Variants in STAT1 observed in about 807,000 individuals in gnomAD.
STAT1 encodes signal transducer and activator of transcription 1-alpha/beta.
STAT1 carries 24 observed loss-of-function variants against 111.7 expected under a neutral mutation model. That is an observed-to-expected ratio of 0.21 (90% confidence interval 0.16 to 0.30). STAT1 has a LOEUF of 0.30. STAT1 is among the 10% of genes least tolerant of loss of function. The probability of loss-of-function intolerance (pLI) is 1.00; values close to 1 mark genes in which losing one functional copy is unlikely to be tolerated. For synonymous variants in STAT1, 332 were observed against 326.5 expected, an observed-to-expected ratio of 1.02 and a Z score of -0.18; for missense variants, 351 against 911.9, an observed-to-expected ratio of 0.38 and a Z score of 7.92.
rs1456054301 is a variant in STAT1 at position 190,991,340 on chromosome 2, G to T, written c.945-20C>A. The stretch of plus-strand genomic sequence containing the variant: ...AACGAGCTGCAAATACCCAGCAAAG[G>T]ATAGATAAGTTAGCATTTCCATTAA... On this transcript the variant is annotated intron_variant, in intron 10 of 24. Transcript: ENST00000361099. 1.9e-6 allele frequency: 3 copies of T among 1,612,164 alleles called. No homozygotes were observed. Among genetic ancestry groups the T allele is most frequent in the Admixed American group, 1.7e-5 (1 of 59,982 alleles).
Position 190,970,003 on chromosome 2 carries a change from T to C in STAT1, c.*700A>G, listed in dbSNP as rs1239449774. 1.3e-5 allele frequency: 2 copies of C among 153,142 alleles called. No homozygotes were observed. Among genetic ancestry groups the C allele is most frequent in the Non-Finnish European group, 1.5e-5 (1 of 68,696 alleles). 9.5% of individuals were successfully genotyped at this position (153,142 alleles called of 1,614,324 possible). ...CAACTTGTGAATTTGGAAATGTACA[T>C]CCTTCTATTGATATTAGCTAGTGTC... On this transcript the variant is annotated 3_prime_UTR_variant, in exon 25 of 25. Coordinates refer to ENST00000361099, the MANE Select transcript of STAT1 (RefSeq NM_007315.4). This position sits in a 1 kb window ranked among gnomAD's most constrained non-coding sequence, Gnocchi z 5.4.
Position 190,974,806 on chromosome 2 carries a change from A to G in STAT1, c.2238+24T>C. The G allele has an allele frequency of 1.3e-6, 2 of 1,597,600 alleles. No homozygotes were observed. The highest frequency in any genetic ancestry group is 1.7e-6 in the Non-Finnish European group (2 of 1,165,086). On this transcript the variant is annotated intron_variant, in intron 24 of 24. Coordinates refer to ENST00000361099, the MANE Select transcript of STAT1 (RefSeq NM_007315.4). The surrounding 1 kb of genome is among the most constrained non-coding windows in gnomAD (Gnocchi z 4.8). ...AGCACACACACTTATTGAGAGCTAC[A>G]CACAGGCCAGCCGTGGTACTCACCA...
At position 190,986,819 on chromosome 2, in the gene STAT1, C is replaced by A. The variant is rs764149234; in HGVS notation, c.1221+35G>T. ...TCTATTGTCAAAAGTCCTAAGAAACCAGAGACAACATAGAGAGGAAACTGA... is the reference window on the plus strand; with the variant it reads ...TCTATTGTCAAAAGTCCTAAGAAACAAGAGACAACATAGAGAGGAAACTGA... On this transcript the variant is annotated intron_variant, in intron 14 of 24. Coordinates refer to ENST00000361099, the MANE Select transcript of STAT1 (RefSeq NM_007315.4). This position sits in a 1 kb window ranked among gnomAD's most constrained non-coding sequence, Gnocchi z 5.0. 6.3e-7 allele frequency: 1 copy of A among 1,595,154 alleles called. No homozygotes were observed. Among genetic ancestry groups the A allele is most frequent in the Non-Finnish European group, 8.6e-7 (1 of 1,162,766 alleles).
At position 190,998,295 on chromosome 2, in the gene STAT1, A is replaced by G. The variant is rs1223156169; in HGVS notation, c.555T>C (p.Asn185=). 1 of 1,613,448 alleles carries G rather than the reference A, an allele frequency of 6.2e-7. No homozygotes were observed. Among genetic ancestry groups the G allele is most frequent in the Non-Finnish European group, 8.5e-7 (1 of 1,179,706 alleles). ...GTTTCTGATCACTCTTTGCCACACCATTGGTCTCGTGTTCTATAAATTGAG... is the reference window on the plus strand; with the variant it reads ...GTTTCTGATCACTCTTTGCCACACCGTTGGTCTCGTGTTCTATAAATTGAG... The part of the protein sequence containing the change: ...KTLQNREHET[N]GVAKSDQKQE... Residue 185 remains asparagine (N), a synonymous_variant, in exon 8 of 25, where the codon AAT becomes AAC. Coordinates refer to ENST00000361099, the MANE Select transcript of STAT1 (RefSeq NM_007315.4). This position sits in a 1 kb window ranked among gnomAD's most constrained non-coding sequence, Gnocchi z 4.1.
Position 190,986,723 on chromosome 2 carries a change from C to T in STAT1, c.1221+131G>A. 1 of 866,940 alleles carries T rather than the reference C, an allele frequency of 1.2e-6. No individual in the cohort carries two copies. Among genetic ancestry groups the T allele is most frequent in the Admixed American group, 1.9e-5 (1 of 53,664 alleles). 53.7% of individuals were successfully genotyped at this position (866,940 alleles called of 1,614,324 possible). On this transcript the variant is annotated intron_variant, in intron 14 of 24. Coordinates refer to ENST00000361099, the MANE Select transcript of STAT1 (RefSeq NM_007315.4). This position sits in a 1 kb window ranked among gnomAD's most constrained non-coding sequence, Gnocchi z 5.0. Reference sequence around the variant, plus strand: ...GCCCCAAGTACTGGCGACAGGAAGACACCAGCCACAAAGTCTACAAACCCC... The same window carrying T: ...GCCCCAAGTACTGGCGACAGGAAGATACCAGCCACAAAGTCTACAAACCCC...
In STAT1 at chr2:190,980,481, C is replaced by T; in HGVS notation, c.1632+139G>A. ...TCCTGCACTGAAGAAAAGTAAACAA[C>T]TTGCCCGAGGGGCTCCTTGGCCAGA... On this transcript the variant is annotated intron_variant, in intron 19 of 24. Transcript: ENST00000361099. The surrounding 1 kb of genome is among the most constrained non-coding windows in gnomAD (Gnocchi z 6.1). The T allele has an allele frequency of 1.0e-6, 1 of 996,792 alleles. No individual in the cohort carries two copies. The highest frequency in any genetic ancestry group is 1.6e-6 in the Non-Finnish European group (1 of 634,934). 61.7% of individuals were successfully genotyped at this position (996,792 alleles called of 1,614,324 possible). A position where few individuals can be genotyped will look rare whatever the true frequency, so the allele number is the denominator to read the frequency against.
chr2:190,970,397 C>G lies in STAT1; in HGVS notation c.*306G>C, dbSNP rs1315095292. 2.2e-6 allele frequency: 1 copy of G among 462,738 alleles called. No individual in the cohort carries two copies. Among genetic ancestry groups the G allele is most frequent in the East Asian group, 4.2e-5 (1 of 23,684 alleles). 28.7% of individuals were successfully genotyped at this position (462,738 alleles called of 1,614,324 possible). A position where few individuals can be genotyped will look rare whatever the true frequency, so the allele number is the denominator to read the frequency against. The stretch of plus-strand genomic sequence containing the variant: ...ATTTGCTAGATGTTGCTTAACTTCT[C>G]CTTTCCCAAAGGACCCTCATTCTCG... On this transcript the variant is annotated 3_prime_UTR_variant, in exon 25 of 25. Transcript: ENST00000361099. This position sits in a 1 kb window ranked among gnomAD's most constrained non-coding sequence, Gnocchi z 5.4.
rs1266586737 is a variant in STAT1 at position 190,974,941 on chromosome 2, G to A, written c.2136-9C>T. On this transcript the variant is annotated splice_polypyrimidine_tract_variant and intron_variant, in intron 23 of 24. Transcript: ENST00000361099. The surrounding 1 kb of genome is among the most constrained non-coding windows in gnomAD (Gnocchi z 4.8). ...GAAGTCTAGAAGGGTGACTAAAATG[G>A]GGAAAAAGAAAAGAGCAATGTCAAC... 2 of 1,607,862 alleles carry A rather than the reference G, an allele frequency of 1.2e-6. No homozygotes were observed. Among genetic ancestry groups the A allele is most frequent in the African/African-American group, 1.3e-5 (1 of 74,890 alleles).
Position 190,984,352 on chromosome 2 carries a change from A to G in STAT1, c.1305T>C (p.Phe435=), listed in dbSNP as rs1256752261. The stretch of plus-strand genomic sequence containing the variant: ...AACCAGGCTGGCACAATTGGGTTTC[A>G]AAACTAAGGGAGTGAAGCTCTTCAG... The part of the protein sequence containing the change: ...IVTEELHSLS[F]ETQLCQPGLV... Residue 435 remains phenylalanine (F), a synonymous_variant, in exon 16 of 25, where the codon TTT becomes TTC. Transcript: ENST00000361099. The surrounding 1 kb of genome is among the most constrained non-coding windows in gnomAD (Gnocchi z 5.2). 1 of 1,614,206 alleles carries G rather than the reference A, an allele frequency of 6.2e-7. No homozygotes were observed. Among genetic ancestry groups the G allele is most frequent in the Non-Finnish European group, 8.5e-7 (1 of 1,180,004 alleles).
In STAT1 at chr2:190,984,550, T is replaced by C. The variant is rs187568158; in HGVS notation, c.1264-157A>G. 3.2e-3 allele frequency among the ~76,000 whole-genome samples: 485 copies of C among 152,386 alleles called. 7 individuals carry two copies. The highest frequency in any genetic ancestry group is 0.011 in the African/African-American group (450 of 41,592). On this transcript the variant is annotated intron_variant, in intron 15 of 24. Transcript: ENST00000361099. This position sits in a 1 kb window ranked among gnomAD's most constrained non-coding sequence, Gnocchi z 5.2. Reference sequence around the variant, plus strand: ...ATTCAATCTCTCCCAGATTTAATGATTCTTAGTATCTCAGTGTGCTCTGAA... The same window carrying C: ...ATTCAATCTCTCCCAGATTTAATGACTCTTAGTATCTCAGTGTGCTCTGAA...
At position 190,984,003 on chromosome 2, in the gene STAT1, C is replaced by T. The variant is rs1397766340; in HGVS notation, c.1348-263G>A. Reference sequence around the variant, plus strand: ...TGCAATATGAGAAGATGAAAACTGTCACAATGAAAACATAAAATGTGGGGG... The same window carrying T: ...TGCAATATGAGAAGATGAAAACTGTTACAATGAAAACATAAAATGTGGGGG... On this transcript the variant is annotated intron_variant, in intron 16 of 24. Transcript: ENST00000361099. The surrounding 1 kb of genome is among the most constrained non-coding windows in gnomAD (Gnocchi z 5.2). 6.6e-6 allele frequency among the ~76,000 whole-genome samples: 1 copy of T among 151,266 alleles called. No individual in the cohort carries two copies.
Position 190,990,647 on chromosome 2 carries a change from T to C in STAT1, c.1037+581A>G, listed in dbSNP as rs916384152. The stretch of plus-strand genomic sequence containing the variant: ...TATTTGTGTAGACATGGAATCCTAA[T>C]TTTTTAAAAAGGAAACATTATGTCA... On this transcript the variant is annotated intron_variant, in intron 11 of 24. Coordinates refer to ENST00000361099, the MANE Select transcript of STAT1 (RefSeq NM_007315.4). This position sits in a 1 kb window ranked among gnomAD's most constrained non-coding sequence, Gnocchi z 5.1. Among the ~76,000 whole-genome samples the C allele has an allele frequency of 6.6e-6, 1 of 152,180 alleles. No individual in the cohort carries two copies. The highest frequency in any genetic ancestry group is 6.5e-5 in the Admixed American group (1 of 15,286).
chr2:190,987,173 A>C lies in STAT1; in HGVS notation c.1098-105T>G. ...GCATAAGAGTGTAAGTGAATGATGA[A>C]TAAAAAATAAATCTACACCTATGGA... On this transcript the variant is annotated intron_variant, in intron 12 of 24. Transcript: ENST00000361099. This position sits in a 1 kb window ranked among gnomAD's most constrained non-coding sequence, Gnocchi z 4.0. The C allele has an allele frequency of 1.2e-6, 1 of 858,982 alleles. No individual in the cohort carries two copies. The allele number at this position is 858,982 out of a possible 1,614,324, so 53.2% of individuals were successfully genotyped here. A position where few individuals can be genotyped will look rare whatever the true frequency, so the allele number is the denominator to read the frequency against.
At position 190,982,195 on chromosome 2, in the gene STAT1, T is replaced by C. The variant is rs1356853355; in HGVS notation, c.1582+188A>G. Among the ~76,000 whole-genome samples the C allele has an allele frequency of 1.3e-5, 2 of 152,262 alleles. No homozygotes were observed. Among genetic ancestry groups the C allele is most frequent in the South Asian group, 2.1e-4 (1 of 4,836 alleles). The stretch of plus-strand genomic sequence containing the variant: ...GAGGAACGGATTCATTTAAATGTTA[T>C]CAGGTCTATATTTCTTTCTAAGGTG... On this transcript the variant is annotated intron_variant, in intron 18 of 24. Coordinates refer to ENST00000361099, the MANE Select transcript of STAT1 (RefSeq NM_007315.4). The surrounding 1 kb of genome is among the most constrained non-coding windows in gnomAD (Gnocchi z 7.3).
rs1035504175 is a variant in STAT1, at chr2:190,990,681, CGT to C, written c.1037+545_1037+546del. ...AAGGAAACATTATGTCATGTTTGTGCGTGTGTGTTTCCGTATGAAATATATAT... is the reference window on the plus strand; with the variant it reads ...AAGGAAACATTATGTCATGTTTGTGCGTGTGTTTCCGTATGAAATATATAT... On this transcript the variant is annotated intron_variant, in intron 11 of 24. Coordinates refer to ENST00000361099, the MANE Select transcript of STAT1 (RefSeq NM_007315.4). The surrounding 1 kb of genome is among the most constrained non-coding windows in gnomAD (Gnocchi z 5.1). Among the ~76,000 whole-genome samples, 5 of 152,040 alleles carry C rather than the reference CGT, an allele frequency of 3.3e-5. No individual in the cohort carries two copies. The highest frequency in any genetic ancestry group is 3.8e-4 in the East Asian group (2 of 5,198).
At position 190,986,164 on chromosome 2, in the gene STAT1, A is replaced by C. The variant is rs930136776; in HGVS notation, c.1222-504T>G. ...CTGAGTTGGGCTAAGCTTTCGAGTT[A>C]GGTAGAGCTTCCTAGCTACGAGGCT... On this transcript the variant is annotated intron_variant, in intron 14 of 24. Coordinates refer to ENST00000361099, the MANE Select transcript of STAT1 (RefSeq NM_007315.4). The surrounding 1 kb of genome is among the most constrained non-coding windows in gnomAD (Gnocchi z 5.0). Among the ~76,000 whole-genome samples, 1 of 152,238 alleles carries C rather than the reference A, an allele frequency of 6.6e-6. No homozygotes were observed. The highest frequency in any genetic ancestry group is 2.4e-5 in the African/African-American group (1 of 41,458).
In STAT1 at chr2:191,012,671, T is replaced by C. The variant is rs1695230827; in HGVS notation, c.-2+854A>G. On this transcript the variant is annotated intron_variant, in intron 2 of 24. Transcript: ENST00000361099. This position sits in a 1 kb window ranked among gnomAD's most constrained non-coding sequence, Gnocchi z 4.0. ...ACATCAATCTCCTGTGCAAAAATCC[T>C]ATGATCTGTCCATTCCTAGGCAGAT... is the stretch of plus-strand genomic sequence containing the variant. 6.6e-6 allele frequency among the ~76,000 whole-genome samples: 1 copy of C among 152,186 alleles called. No individual in the cohort carries two copies. The highest frequency in any genetic ancestry group is 2.4e-5 in the African/African-American group (1 of 41,430).
At chr2:190,972,078 G>C (rs947773075) in intron 24 of STAT1, among the ~76,000 whole-genome samples, 2 of 152,106 alleles carry the variant, frequency 1.3e-5, no homozygotes, top group African/African-American at 4.8e-5. Context: ...GAGGGAGGGG[G>C]AGATAGATAG....
In STAT1 at chr2:190,993,671, T is replaced by C. The variant is rs1009814059; in HGVS notation, c.944+1390A>G. On this transcript the variant is annotated intron_variant, in intron 10 of 24. Transcript: ENST00000361099. This position sits in a 1 kb window ranked among gnomAD's most constrained non-coding sequence, Gnocchi z 4.1. ...TGAAGGAAAGGAATGAGATAGGCTG[T>C]TCTGGGAGAGTAAATGTCTTCCCCG... 2.1e-6 allele frequency: 1 copy of C among 480,200 alleles called. No individual in the cohort carries two copies. Among genetic ancestry groups the C allele is most frequent in the African/African-American group, 2.0e-5 (1 of 50,968 alleles). 29.7% of individuals were successfully genotyped at this position (480,200 alleles called of 1,614,324 possible).
Sources: gnomAD v4.1 joint callset for allele counts (sites outside exome capture counted in the v4.1 genomes callset) on GRCh38, gnomAD v4.1.1 for gene constraint, Gnocchi (gnomAD v3.1) non-coding constraint, MANE v1.5 for transcripts, NCBI Gene and HGNC (gene_info 2026-07-23, HGNC 2026-07-21) for gene names.